Variants in KCNJ3 observed in about 807,000 individuals in gnomAD.
KCNJ3 encodes potassium inwardly rectifying channel subfamily J member 3, also known as G protein-activated inward rectifier potassium channel 1.
A neutral mutation model predicts 39.2 loss-of-function variants in KCNJ3; 4 were observed. The ratio of observed to expected loss-of-function variants is 0.10; its 90% CI spans 0.05 to 0.23. The LOEUF is 0.23. Ranked by LOEUF, KCNJ3 falls within the 10% of genes least tolerant of loss-of-function variation. The pLI, the probability that KCNJ3 is intolerant of heterozygous loss-of-function variation, is 1.00. For missense variants in KCNJ3, 276 were observed against 634.9 expected (o/e 0.43, Z 6.08); for synonymous variants, 230 against 237.4 (o/e 0.97, Z 0.29).
chr2:154,721,492 T>C (rs1400103925), intron 2 of KCNJ3, among the ~76,000 whole-genome samples: 2 of 152,168 alleles, frequency 1.3e-5, no homozygotes, highest in African/African-American at 4.8e-5. Context: ...TACTGTTTCT[T>C]ATTTGAACTG....
intron 2 of KCNJ3, among the ~76,000 whole-genome samples, chr2:154,763,324 G>A (rs17565572): frequency 0.33 from 49,765 of 151,912 alleles, 9,477 homozygotes; most frequent in Non-Finnish European, 0.43. Flanking sequence ...AGGTGGGGCT[G>A]TAGTTTTCAT....
Position 154,698,727 on chromosome 2 carries a change from G to A in KCNJ3, c.-49G>A. 1 of 763,182 alleles carries A rather than the reference G, an allele frequency of 1.3e-6. No individual in the cohort carries two copies. 47.3% of individuals were successfully genotyped at this position (763,182 alleles called of 1,614,324 possible). On this transcript the variant is annotated 5_prime_UTR_variant, in exon 1 of 3. Coordinates refer to ENST00000295101, the MANE Select transcript of KCNJ3 (RefSeq NM_002239.4). ...TATTGGTGCTAGTTTGCAGCGCCCA[G>A]CTCCTGCGCCTTCGCTTCGCGTTTG...
chr2:154,792,925 T>C (rs1392794236), intron 2 of KCNJ3, among the ~76,000 whole-genome samples: 3 of 151,980 alleles, frequency 2.0e-5, no homozygotes, highest in Non-Finnish European at 4.4e-5. Context: ...TTATCACAAA[T>C]CCCTAGGATG....
At chr2:154,853,288 T>C (rs973073408) in intron 2 of KCNJ3, among the ~76,000 whole-genome samples, 5 of 152,108 alleles carry the variant, frequency 3.3e-5, no homozygotes, top group Non-Finnish European at 7.4e-5. Context: ...TCTTTGGTAA[T>C]ATATAACAGA....
chr2:154,730,779 C>A (rs577681106), intron 2 of KCNJ3, among the ~76,000 whole-genome samples: 1 of 152,008 alleles, frequency 6.6e-6, no homozygotes, highest in East Asian at 1.9e-4. Context: ...TTAACATATT[C>A]TAGTTTGAAT....
chr2:154,727,580 C>T (rs1022578930), intron 2 of KCNJ3, among the ~76,000 whole-genome samples: 5 of 102,122 alleles, frequency 4.9e-5, no homozygotes, highest in East Asian at 2.6e-4. Flanking sequence ...GAAGCAAGAG[C>T]GAAACTCCGT....
Position 154,760,565 on chromosome 2 carries a change from C to G in KCNJ3, c.919+50746C>G, listed in dbSNP as rs551117649. Among the ~76,000 whole-genome samples, 5 of 151,860 alleles carry G rather than the reference C, an allele frequency of 3.3e-5. No homozygotes were observed. In the South Asian group the frequency reaches 8.3e-4, roughly 25 times the overall value. ...TTCACTTCTCTCTTTCTCTCTCTCT[C>G]TCTTTCTTGACGGAATCTCATTCTG... On this transcript the variant is annotated intron_variant, in intron 2 of 2. Coordinates refer to ENST00000295101, the MANE Select transcript of KCNJ3 (RefSeq NM_002239.4).
At chr2:154,780,486 C>G (rs890863898) in intron 2 of KCNJ3, among the ~76,000 whole-genome samples, 2 of 152,032 alleles carry the variant, frequency 1.3e-5, no homozygotes, top group Non-Finnish European at 2.9e-5. Flanking sequence ...AAGGAAACCA[C>G]TGGTAACAGT....
chr2:154,707,990 T>A (rs1414119712), intron 1 of KCNJ3, among the ~76,000 whole-genome samples: 1 of 152,182 alleles, frequency 6.6e-6, no homozygotes, highest in Non-Finnish European at 1.5e-5. Flanking sequence ...GGGAGCTTTT[T>A]CATGCTGTCT....
intron 2 of KCNJ3, among the ~76,000 whole-genome samples, chr2:154,745,555 C>T (rs190634832): frequency 2.9e-4 from 44 of 151,882 alleles, no homozygotes; most frequent in Non-Finnish European, 5.2e-4. Flanking sequence ...TTATATTTTG[C>T]ATTTCTTTGT....
chr2:154,853,473 A>G (rs534693883), intron 2 of KCNJ3, among the ~76,000 whole-genome samples: 7 of 152,204 alleles, frequency 4.6e-5, no homozygotes, highest in African/African-American at 1.7e-4. Flanking sequence ...CTTATAATGG[A>G]TGGGGGAGAA....
rs746660627 is a variant in KCNJ3, at chr2:154,857,870, G to C, written c.*2557G>C. The stretch of plus-strand genomic sequence containing the variant: ...CACTCCAGCCTGGGTGACAGTGCGA[G>C]ACTCCATCTCAACATCAAAAAAAAA... On this transcript the variant is annotated 3_prime_UTR_variant, in exon 3 of 3. Coordinates refer to ENST00000295101, the MANE Select transcript of KCNJ3 (RefSeq NM_002239.4). 6 of 100,400 alleles carry C rather than the reference G, an allele frequency of 6.0e-5. No homozygotes were observed. Among genetic ancestry groups the C allele is most frequent in the Non-Finnish European group, 1.1e-4 (6 of 52,674 alleles). The allele number at this position is 100,400 out of a possible 1,614,324, so 6.2% of individuals were successfully genotyped here.
chr2:154,707,316 G>A (rs1205879622), intron 1 of KCNJ3, among the ~76,000 whole-genome samples: 2 of 151,908 alleles, frequency 1.3e-5, no homozygotes, highest in East Asian at 3.9e-4. Context: ...AAATCAGAAG[G>A]TATATTAAGT....
intron 2 of KCNJ3, among the ~76,000 whole-genome samples, chr2:154,795,234 T>G (rs1033023611): frequency 9.9e-5 from 15 of 152,052 alleles, no homozygotes; most frequent in African/African-American, 3.6e-4. Context: ...CAAGTATACA[T>G]TGTTCAACAG....
chr2:154,729,436 T>A (rs1414124419), intron 2 of KCNJ3, among the ~76,000 whole-genome samples: 1 of 152,202 alleles, frequency 6.6e-6, no homozygotes, highest in East Asian at 1.9e-4. Flanking sequence ...TAAGTTCCTT[T>A]GAACTAGACT....
intron 2 of KCNJ3, among the ~76,000 whole-genome samples, chr2:154,837,065 T>C (rs891336219): frequency 3.3e-5 from 5 of 152,202 alleles, no homozygotes; most frequent in African/African-American, 1.2e-4. Flanking sequence ...ATTCCATGGA[T>C]GTCAAGTGTG....
At chr2:154,775,237 T>C (rs934869839) in intron 2 of KCNJ3, among the ~76,000 whole-genome samples, 4 of 152,138 alleles carry the variant, frequency 2.6e-5, no homozygotes, top group Non-Finnish European at 5.9e-5. Flanking sequence ...AACTTTTCTT[T>C]GTTGTAAGAC....
At chr2:154,754,239 G>A (rs1258333475) in intron 2 of KCNJ3, among the ~76,000 whole-genome samples, 1 of 152,002 alleles carries the variant, frequency 6.6e-6, no homozygotes, top group Non-Finnish European at 1.5e-5. Context: ...AATTAACCTA[G>A]CACTCCTTCA....
intron 2 of KCNJ3, among the ~76,000 whole-genome samples, chr2:154,734,843 GTT>G (rs1303442808): frequency 6.6e-6 from 1 of 152,192 alleles, no homozygotes; most frequent in African/African-American, 2.4e-5. Context: ...CAAAGATACT[GTT>G]CTATACTGAG....
Sources: allele counts gnomAD v4.1 joint callset (sites outside exome capture counted in the v4.1 genomes callset), GRCh38; gene constraint gnomAD v4.1.1; transcripts MANE v1.5; gene names NCBI Gene and HGNC (gene_info 2026-07-23, HGNC 2026-07-21).